The following RFX2 variants were observed in gnomAD, a reference collection of about 807,000 sequenced individuals.
The protein encoded by RFX2 is regulatory factor X2.
In RFX2, 20 loss-of-function variants were observed where a neutral mutation model predicts 87.8. The observed-to-expected ratio is 0.23, with a 90% CI of 0.16 to 0.33. The LOEUF is 0.33. Ranked by LOEUF, RFX2 falls within the 10% of genes least tolerant of loss-of-function variation. The pLI, the probability that RFX2 is intolerant of heterozygous loss-of-function variation, is 1.00. For synonymous variants in RFX2, 397 were observed against 431.3 expected (o/e 0.92, Z 0.98); for missense variants, 767 against 1,012.3 (o/e 0.76, Z 3.29).
chr19:6,006,460 A>ATTTTT (rs35404707), intron 12 of RFX2, among the ~76,000 whole-genome samples: 1 of 108,570 alleles, frequency 9.2e-6, no homozygotes, highest in Non-Finnish European at 1.8e-5. Flanking sequence ...TGCCCAGCTC[A>ATTTTT]TTTTTTTTTT....
In RFX2 at chr19:6,012,121, A is replaced by G. The variant is rs1180557346; in HGVS notation, c.899+865T>C. On this transcript the variant is annotated intron_variant, in intron 8 of 17. Coordinates refer to ENST00000303657, the MANE Select transcript of RFX2 (RefSeq NM_000635.4). The surrounding 1 kb of genome is among the most constrained non-coding windows in gnomAD (Gnocchi z 4.6). ...TATTTGCTCTCTGGCTCTTTACAGG[A>G]AAGGTTTGCTGGCTCCTGCCTTAGA... is the stretch of plus-strand genomic sequence containing the variant. The G allele has an allele frequency of 6.6e-6, 1 of 152,228 alleles. No homozygotes were observed. Among genetic ancestry groups the G allele is most frequent in the Non-Finnish European group, 1.5e-5 (1 of 68,044 alleles). The allele number at this position is 152,228 out of a possible 1,614,324, so 9.4% of individuals were successfully genotyped here.
rs368539925 is a variant in RFX2, at chr19:6,057,198, A to G, written c.-8-9694T>C. 8 of 152,242 alleles carry G rather than the reference A, an allele frequency of 5.3e-5. No homozygotes were observed. The East Asian group carries it at 1.2e-3, about 22-fold the overall frequency. The allele number at this position is 152,242 out of a possible 1,614,324, so 9.4% of individuals were successfully genotyped here. A position where few individuals can be genotyped will look rare whatever the true frequency, so the allele number is the denominator to read the frequency against. ...GAGCCACTGCTGAGTCAAACGCGCCAGTGGGAACATCTCCCGTGGCTTCCT... is the reference window on the plus strand; with the variant it reads ...GAGCCACTGCTGAGTCAAACGCGCCGGTGGGAACATCTCCCGTGGCTTCCT... On this transcript the variant is annotated intron_variant, in intron 1 of 17. Transcript: ENST00000303657.
rs539168937 is a variant in RFX2, at chr19:6,001,680, C to T, written c.1859+135G>A. 16 of 720,618 alleles carry T rather than the reference C, an allele frequency of 2.2e-5. No homozygotes were observed. The highest frequency in any genetic ancestry group is 1.2e-4 in the East Asian group (4 of 32,578). The allele number at this position is 720,618 out of a possible 1,614,324, so 44.6% of individuals were successfully genotyped here. A position where few individuals can be genotyped will look rare whatever the true frequency, so the allele number is the denominator to read the frequency against. ...CCCCCAGCCAGGTAGTTGTTTTTTG[C>T]GGGTTCAGACACTGCTGCAACTCTG... On this transcript the variant is annotated intron_variant, in intron 15 of 17. Coordinates refer to ENST00000303657, the MANE Select transcript of RFX2 (RefSeq NM_000635.4). This position sits in a 1 kb window ranked among gnomAD's most constrained non-coding sequence, Gnocchi z 5.6.
Position 6,021,934 on chromosome 19 carries a change from G to A in RFX2, c.597+4229C>T, listed in dbSNP as rs1599860040. Among the ~76,000 whole-genome samples, 1 of 152,166 alleles carries A rather than the reference G, an allele frequency of 6.6e-6. No homozygotes were observed. Among genetic ancestry groups the A allele is most frequent in the Admixed American group, 6.5e-5 (1 of 15,278 alleles). On this transcript the variant is annotated intron_variant, in intron 6 of 17. Transcript: ENST00000303657. This position sits in a 1 kb window ranked among gnomAD's most constrained non-coding sequence, Gnocchi z 5.7. ...CGAAAGAATCCACAGGGACAGTGGC[G>A]GCTCGGGAAGTAGTCGAAGTGGAGG... is the stretch of plus-strand genomic sequence containing the variant.
rs1206758888 is a variant in RFX2 at position 5,997,661 on chromosome 19, C to A, written c.1860-448G>T. On this transcript the variant is annotated intron_variant, in intron 15 of 17. Transcript: ENST00000303657. The surrounding 1 kb of genome is among the most constrained non-coding windows in gnomAD (Gnocchi z 4.2). ...CCTTCCCCGTATCCTTGCCACCTCC[C>A]GCCATTCCTCAGCCTGTGGTTTCAG... Among the ~76,000 whole-genome samples the A allele has an allele frequency of 6.6e-6, 1 of 152,162 alleles. No individual in the cohort carries two copies. Among genetic ancestry groups the A allele is most frequent in the East Asian group, 1.9e-4 (1 of 5,186 alleles).
chr19:6,028,346 G>A (rs979893067), intron 5 of RFX2, among the ~76,000 whole-genome samples: 3 of 152,104 alleles, frequency 2.0e-5, no homozygotes, highest in Non-Finnish European at 4.4e-5. Context: ...TTTAGTTGAA[G>A]TACATTGAAA....
chr19:6,048,475 C>T (rs1161088797), intron 1 of RFX2, among the ~76,000 whole-genome samples: 7 of 152,178 alleles, frequency 4.6e-5, no homozygotes, highest in Admixed American at 3.9e-4. Flanking sequence ...GTTAAGTACA[C>T]ACACTTAGGT....
rs929536685 is a variant in RFX2, at chr19:6,021,727, C to G, written c.597+4436G>C. On this transcript the variant is annotated intron_variant, in intron 6 of 17. Coordinates refer to ENST00000303657, the MANE Select transcript of RFX2 (RefSeq NM_000635.4). The surrounding 1 kb of genome is among the most constrained non-coding windows in gnomAD (Gnocchi z 5.7). ...GTGGGAGAGAGCGGGTCCTGCAGGG[C>G]CTTGTGGGCCATTTTGACAACACTC... Among the ~76,000 whole-genome samples the G allele has an allele frequency of 6.6e-6, 1 of 152,184 alleles. No homozygotes were observed. Among genetic ancestry groups the G allele is most frequent in the Non-Finnish European group, 1.5e-5 (1 of 68,026 alleles).
Position 6,072,740 on chromosome 19 carries a change from A to AT in RFX2, c.-8-25237dup, listed in dbSNP as rs1461796701. ...AACATGAAGTCTTCCTTCCAAGGAC[A>AT]TAACAAAGAAAAAAGAGAAAAAAAA... On this transcript the variant is annotated intron_variant, in intron 1 of 17. Coordinates refer to ENST00000303657, the MANE Select transcript of RFX2 (RefSeq NM_000635.4). 9.8e-6 allele frequency: 5 copies of AT among 507,752 alleles called. No homozygotes were observed. In the African/African-American group the frequency reaches 1.0e-4, roughly 10 times the overall value. The allele number at this position is 507,752 out of a possible 1,614,324, so 31.5% of individuals were successfully genotyped here.
intron 13 of RFX2, among the ~76,000 whole-genome samples, chr19:6,003,286 A>G (rs2086519975): frequency 6.6e-6 from 1 of 151,998 alleles, no homozygotes; most frequent in African/African-American, 2.4e-5. Flanking sequence ...GCTGGTCTCA[A>G]ACTCGTGGCA....
In RFX2 at chr19:6,022,105, T is replaced by A. The variant is rs2086820806; in HGVS notation, c.597+4058A>T. Among the ~76,000 whole-genome samples the A allele has an allele frequency of 6.6e-6, 1 of 152,002 alleles. No individual in the cohort carries two copies. The highest frequency in any genetic ancestry group is 6.6e-5 in the Admixed American group (1 of 15,262). On this transcript the variant is annotated intron_variant, in intron 6 of 17. Coordinates refer to ENST00000303657, the MANE Select transcript of RFX2 (RefSeq NM_000635.4). This position sits in a 1 kb window ranked among gnomAD's most constrained non-coding sequence, Gnocchi z 6.2. ...GAAGATTGGCTGCCCCTGCCTCAGA[T>A]GGGACCGTGGGCGGGAGGCGCAGGG... is the stretch of plus-strand genomic sequence containing the variant.
At chr19:6,046,132 C>T (rs528291912) in intron 2 of RFX2, among the ~76,000 whole-genome samples, 3 of 152,336 alleles carry the variant, frequency 2.0e-5, no homozygotes, top group South Asian at 4.1e-4. Context: ...CGGTGCCATT[C>T]GCTTTGTATT....
rs141416441 is a variant in RFX2, at chr19:6,011,110, C to G, written c.900-859G>C. On this transcript the variant is annotated intron_variant, in intron 8 of 17. Coordinates refer to ENST00000303657, the MANE Select transcript of RFX2 (RefSeq NM_000635.4). This position sits in a 1 kb window ranked among gnomAD's most constrained non-coding sequence, Gnocchi z 4.8. The stretch of plus-strand genomic sequence containing the variant: ...CAGCCTGGGCGACAAAAGCGAAACT[C>G]GGTCTCAAAAAAAATAAATAAATTA... 1.3e-5 allele frequency among the ~76,000 whole-genome samples: 2 copies of G among 150,034 alleles called. No individual in the cohort carries two copies. Among genetic ancestry groups the G allele is most frequent in the East Asian group, 3.9e-4 (2 of 5,154 alleles).
chr19:6,057,893 C>T (rs1392446334), intron 1 of RFX2, among the ~76,000 whole-genome samples: 3 of 152,158 alleles, frequency 2.0e-5, no homozygotes, highest in South Asian at 2.1e-4. Context: ...GCCAGGTCCT[C>T]GGAGTAAGTG....
rs2086502148 is a variant in RFX2, at chr19:6,002,382, G to A, written c.1650+339C>T. On this transcript the variant is annotated intron_variant, in intron 14 of 17. Transcript: ENST00000303657. The surrounding 1 kb of genome is among the most constrained non-coding windows in gnomAD (Gnocchi z 6.7). Reference sequence around the variant, plus strand: ...AAATAAGCATAGCTCGGAAGCTGCTGTGGGCCGACACTTTGCCAAGCCCAG... The same window carrying A: ...AAATAAGCATAGCTCGGAAGCTGCTATGGGCCGACACTTTGCCAAGCCCAG... Among the ~76,000 whole-genome samples the A allele has an allele frequency of 6.6e-6, 1 of 152,262 alleles. No individual in the cohort carries two copies. The highest frequency in any genetic ancestry group is 2.4e-5 in the African/African-American group (1 of 41,480).
chr19:6,077,715 C>T (rs1410850169), intron 1 of RFX2, among the ~76,000 whole-genome samples: 2 of 152,194 alleles, frequency 1.3e-5, no homozygotes, highest in Non-Finnish European at 2.9e-5. Context: ...GGCGCGGTGG[C>T]TCACACCTGT....
chr19:6,084,984 T>C (rs1172575091), intron 1 of RFX2, among the ~76,000 whole-genome samples: 1 of 152,220 alleles, frequency 6.6e-6, no homozygotes, highest in East Asian at 1.9e-4. Flanking sequence ...ATGATGTCCT[T>C]AAGCATAATG....
chr19:6,004,125 A>C lies in RFX2; in HGVS notation c.1500+76T>G, dbSNP rs985814045. 2 of 1,099,814 alleles carry C rather than the reference A, an allele frequency of 1.8e-6. No individual in the cohort carries two copies. The highest frequency in any genetic ancestry group is 3.1e-5 in the African/African-American group (2 of 64,952). 68.1% of individuals were successfully genotyped at this position (1,099,814 alleles called of 1,614,324 possible). On this transcript the variant is annotated intron_variant, in intron 13 of 17. Coordinates refer to ENST00000303657, the MANE Select transcript of RFX2 (RefSeq NM_000635.4). The surrounding 1 kb of genome is among the most constrained non-coding windows in gnomAD (Gnocchi z 4.8). ...AAGAAGCCAGCGCTCTCTGGGACAC[A>C]GTGGTCCTCATGCTGTCCTGGACTG... is the stretch of plus-strand genomic sequence containing the variant.
At chr19:6,038,655 T>C (rs930074057) in intron 5 of RFX2, among the ~76,000 whole-genome samples, 3 of 152,000 alleles carry the variant, frequency 2.0e-5, no homozygotes, top group Non-Finnish European at 4.4e-5. Flanking sequence ...ACAACCAACC[T>C]AGTTAAAAAA....
Sources: gnomAD v4.1 joint callset for allele counts (sites outside exome capture counted in the v4.1 genomes callset) on GRCh38, gnomAD v4.1.1 for gene constraint, Gnocchi (gnomAD v3.1) non-coding constraint, MANE v1.5 for transcripts, NCBI Gene and HGNC (gene_info 2026-07-23, HGNC 2026-07-21) for gene names.